TUSC3: variants seen among roughly 807,000 people sequenced by gnomAD.
The protein encoded by TUSC3 is dolichyl-diphosphooligosaccharide--protein glycosyltransferase subunit TUSC3.
In TUSC3, 45 loss-of-function variants were observed where a neutral mutation model predicts 44.8. The ratio of observed to expected loss-of-function variants is 1.00; its 90% confidence interval spans 0.79 to 1.29. The LOEUF is 1.29. Among genes scored for constraint, TUSC3 ranks in the 50% most tolerant of loss-of-function variants. The pLI, the probability that TUSC3 is intolerant of heterozygous loss-of-function variation, is 0.00. For synonymous variants in TUSC3, 212 were observed against 152.9 expected, an observed-to-expected ratio of 1.39 and a Z score of -2.85; for missense variants, 519 against 437.9, an observed-to-expected ratio of 1.19 and a Z score of -1.65.
In TUSC3 at chr8:15,432,383, T is replaced by G. The variant is rs1388396545; in HGVS notation, n.91+15078T>G. Reference sequence around the variant, plus strand: ...TACTTTCTTAAAATGTCCATTTCCTTGCTTACTTACATTTCCCATCTGTTT... The same window carrying G: ...TACTTTCTTAAAATGTCCATTTCCTGGCTTACTTACATTTCCCATCTGTTT... On this transcript the variant is annotated intron_variant and non_coding_transcript_variant, in intron 1 of 5. Transcript: ENST00000503191. 4.6e-5 allele frequency among the ~76,000 whole-genome samples: 7 copies of G among 152,188 alleles called. 1 individual carries two copies. In the South Asian group the frequency reaches 1.0e-3, roughly 22 times the overall value.
At chr8:15,590,440 G>A (rs1192113861) in intron 1 of TUSC3, among the ~76,000 whole-genome samples, 5 of 151,864 alleles carry the variant, frequency 3.3e-5, no homozygotes, top group Non-Finnish European at 7.4e-5. Context: ...TTCTCCTCCG[G>A]CTTCTAACTT....
chr8:15,754,924 A>G (rs1467925484), intron 9 of TUSC3, among the ~76,000 whole-genome samples: 1 of 152,052 alleles, frequency 6.6e-6, no homozygotes, highest in Admixed American at 6.6e-5. Flanking sequence ...AACCTTAAAC[A>G]TCTATGCCCT....
upstream of TUSC3, among the ~76,000 whole-genome samples, chr8:15,535,907 G>A (rs143539507): frequency 1.0e-3 from 156 of 152,274 alleles, no homozygotes; most frequent in African/African-American, 3.6e-3. Flanking sequence ...TGTCCAACTC[G>A]TGGCCTGCGG....
chr8:15,740,706 T>C (rs558517071), intron 7 of TUSC3, among the ~76,000 whole-genome samples: 1 of 152,200 alleles, frequency 6.6e-6, no homozygotes, highest in Non-Finnish European at 1.5e-5. Flanking sequence ...ATTGCTCATT[T>C]TAGAGAGCAG....
the TUSC3 span, among the ~76,000 whole-genome samples, chr8:15,791,272 C>A: frequency 1.5e-5 from 2 of 132,710 alleles, no homozygotes; most frequent in East Asian, 4.4e-4. Flanking sequence ...TCTTAGCGCC[C>A]CCCCCAACCC....
chr8:15,567,327 A>G (rs935334490), intron 1 of TUSC3, among the ~76,000 whole-genome samples: 1 of 152,160 alleles, frequency 6.6e-6, no homozygotes, highest in Non-Finnish European at 1.5e-5. Context: ...ACCAAACATT[A>G]ATCACTGTCT....
chr8:15,603,021 A>G (rs554187810), intron 1 of TUSC3, among the ~76,000 whole-genome samples: 12 of 151,706 alleles, frequency 7.9e-5, no homozygotes, highest in East Asian at 1.9e-4. Flanking sequence ...AATGGATTCA[A>G]TTGGACCACA....
At chr8:15,435,749 C>G (rs879366554) in intron 1 of TUSC3, among the ~76,000 whole-genome samples, 1 of 152,206 alleles carries the variant, frequency 6.6e-6, no homozygotes, top group Non-Finnish European at 1.5e-5. Flanking sequence ...AGGAATTTAA[C>G]TTGGCCTACA....
At chr8:15,746,246 A>C (rs1811409941) in intron 8 of TUSC3, among the ~76,000 whole-genome samples, 1 of 152,006 alleles carries the variant, frequency 6.6e-6, no homozygotes, top group South Asian at 2.1e-4. Context: ...TTATTAAATC[A>C]CCGTTTTCAA....
chr8:15,556,685 T>C (rs1292554687), intron 1 of TUSC3, among the ~76,000 whole-genome samples: 3 of 146,802 alleles, frequency 2.0e-5, no homozygotes, highest in African/African-American at 7.5e-5. Context: ...GACTTTTTAA[T>C]GATTGCCACT....
chr8:15,611,209 C>G (rs541987811), intron 1 of TUSC3, among the ~76,000 whole-genome samples: 2 of 152,052 alleles, frequency 1.3e-5, no homozygotes, highest in Admixed American at 6.5e-5. Flanking sequence ...TTTTTTGAGA[C>G]AGAGTCTTGC....
chr8:15,817,840 G>A, the TUSC3 span, among the ~76,000 whole-genome samples: 3 of 152,224 alleles, frequency 2.0e-5, no homozygotes, highest in South Asian at 2.1e-4. Flanking sequence ...TATGTGTCAC[G>A]ATATGCTTCT....
chr8:15,449,777 C>T (rs967334371), intron 1 of TUSC3, among the ~76,000 whole-genome samples: 7 of 152,178 alleles, frequency 4.6e-5, no homozygotes, highest in African/African-American at 1.7e-4. Flanking sequence ...GAGCAGCTTT[C>T]AGTCCTGCAA....
the TUSC3 span, among the ~76,000 whole-genome samples, chr8:15,841,186 C>A: frequency 3.3e-5 from 5 of 152,040 alleles, no homozygotes; most frequent in Non-Finnish European, 7.4e-5. Context: ...TATATATACA[C>A]ACACACATAT....
intron 1 of TUSC3, among the ~76,000 whole-genome samples, chr8:15,621,774 G>A (rs1398395712): frequency 7.1e-6 from 1 of 139,952 alleles, no homozygotes; most frequent in East Asian, 2.0e-4. Flanking sequence ...GCAAAATTGG[G>A]TCTTTTAAAA....
At chr8:15,836,197 T>C in the TUSC3 span, among the ~76,000 whole-genome samples, 36 of 151,968 alleles carry the variant, frequency 2.4e-4, no homozygotes, top group Admixed American at 2.2e-3. Context: ...GTAACACAGC[T>C]GGGCATGGTA....
rs1354912985 is a variant in TUSC3, at chr8:15,448,121, T to TATATATATATATATATATATA, written n.91+30816_91+30817insATATATATATATATATATATA. The stretch of plus-strand genomic sequence containing the variant: ...GTAGTGTATATACATATATATATAT[T>TATATATATATATATATATATA]TATTTATTTATTTTTTAGATGGAGT... On this transcript the variant is annotated intron_variant and non_coding_transcript_variant, in intron 1 of 5. Coordinates refer to the TUSC3 transcript ENST00000503191. 3.9e-3 allele frequency among the ~76,000 whole-genome samples: 101 copies of TATATATATATATATATATATA among 25,838 alleles called. 6 individuals carry two copies. The highest frequency in any genetic ancestry group is 6.8e-3 in the African/African-American group (91 of 13,332). 17.0% of individuals were successfully genotyped at this position (25,838 alleles called of 152,430 possible).
At chr8:15,710,653 A>C (rs1005830158) in intron 6 of TUSC3, among the ~76,000 whole-genome samples, 4 of 151,840 alleles carry the variant, frequency 2.6e-5, no homozygotes, top group African/African-American at 9.7e-5. Context: ...AGATTGCAGA[A>C]AATGGGACCT....
intron 1 of TUSC3, among the ~76,000 whole-genome samples, chr8:15,588,807 G>C (rs1195834772): frequency 6.6e-6 from 1 of 152,144 alleles, no homozygotes; most frequent in Non-Finnish European, 1.5e-5. Flanking sequence ...TTATTGAAGA[G>C]GGTGTCCTTT....
Sources: allele counts gnomAD v4.1 joint callset (sites outside exome capture counted in the v4.1 genomes callset), GRCh38; gene constraint gnomAD v4.1.1; transcripts MANE v1.5; gene names NCBI Gene and HGNC (gene_info 2026-07-23, HGNC 2026-07-21).